Variants in STAB2 observed in about 807,000 individuals in gnomAD.
STAB2 encodes stabilin 2.
STAB2 carries 288 observed loss-of-function variants against 338.1 expected under a neutral mutation model. The observed-to-expected ratio is 0.85, with a 90% CI of 0.77 to 0.94. STAB2 has a LOEUF of 0.94. Among genes scored for constraint, STAB2 ranks in the 40% least tolerant of loss-of-function variants. STAB2 has a pLI of 0.00. For synonymous variants in STAB2, 1,202 were observed against 1,193.3 expected (o/e 1.01, Z -0.15); for missense variants, 3,141 against 3,210.1 (o/e 0.98, Z 0.52).
intron 3 of STAB2, among the ~76,000 whole-genome samples, chr12:103,612,904 G>T (rs988237294): frequency 6.6e-6 from 1 of 152,172 alleles, no homozygotes; most frequent in Non-Finnish European, 1.5e-5. Flanking sequence ...TTCCTTCTAA[G>T]AATCAGGACC....
At chr12:103,746,291 GC>G in intron 57 of STAB2, 1 of 232,946 alleles carries the variant, frequency 4.3e-6, no homozygotes, top group Non-Finnish European at 8.6e-6. Flanking sequence ...GAGCTAATCT[GC>G]CAAGTTCATT....
chr12:103,650,555 G>C lies in STAB2; in HGVS notation c.1234G>C (p.Asp412His). 1 of 1,613,152 alleles carries C rather than the reference G, an allele frequency of 6.2e-7. No individual in the cohort carries two copies. The highest frequency in any genetic ancestry group is 8.5e-7 in the Non-Finnish European group (1 of 1,179,262). ...ACCCTTCACGGTGCTGTTACCTACA[G>C]ACAAGGGACTGAAAGGATTCAATGT... ...LGPFTVLLPT[D>H]KGLKGFNVNE... Residue 412 changes from aspartate to histidine, a missense_variant, in exon 11 of 69, where the codon GAC becomes CAC. Asp to His is a moderately conservative substitution (Grantham distance 81, BLOSUM62 -1). Transcript: ENST00000388887.
At chr12:103,742,646 C>A (rs925675253) in intron 56 of STAB2, 92 bp downstream of exon 56, 10 of 1,560,748 alleles carry the variant, frequency 6.4e-6, no homozygotes, top group Admixed American at 3.5e-5. Flanking sequence ...TGGAGGCATC[C>A]TTTTGTCCTT....
At chr12:103,701,215 G>A (rs1417832173) in intron 34 of STAB2, among the ~76,000 whole-genome samples, 2 of 151,412 alleles carry the variant, frequency 1.3e-5, no homozygotes, top group East Asian at 1.9e-4. Context: ...AGTATTCCAT[G>A]GTGTATATGT....
rs1482306243 is a variant in STAB2, at chr12:103,694,326, C to T, written c.3376-1224C>T. Reference sequence around the variant, plus strand: ...CCATCAAGTTCTATCAGGCCTTCTCCTCATAGCTCTTGAATCTGCCAAATC... The same window carrying T: ...CCATCAAGTTCTATCAGGCCTTCTCTTCATAGCTCTTGAATCTGCCAAATC... On this transcript the variant is annotated intron_variant, in intron 31 of 68. Coordinates refer to ENST00000388887, the MANE Select transcript of STAB2 (RefSeq NM_017564.10). Among the ~76,000 whole-genome samples the T allele has an allele frequency of 2.0e-5, 3 of 152,154 alleles. No homozygotes were observed. The East Asian group carries it at 5.8e-4, about 29-fold the overall frequency.
rs537683968 is a variant in STAB2 at position 103,611,100 on chromosome 12, A to C, written c.332-9368A>C. On this transcript the variant is annotated intron_variant, in intron 3 of 68. Coordinates refer to ENST00000388887, the MANE Select transcript of STAB2 (RefSeq NM_017564.10). ...TTTTACATTTGCTGAGGAGTGCTTT[A>C]CTTCCAACTATGTGGTCAATTTTGG... Among the ~76,000 whole-genome samples, 1,049 of 152,324 alleles carry C rather than the reference A, an allele frequency of 6.9e-3. 20 individuals carry two copies. Among genetic ancestry groups the C allele is most frequent in the African/African-American group, 0.024 (1,001 of 41,578 alleles).
chr12:103,689,544 A>G (rs1877743486), intron 28 of STAB2, among the ~76,000 whole-genome samples: 1 of 152,216 alleles, frequency 6.6e-6, no homozygotes, highest in Admixed American at 6.5e-5. Flanking sequence ...CATACTCACA[A>G]GAACCTATTA....
At chr12:103,632,740 C>T (rs1205226747) in intron 6 of STAB2, among the ~76,000 whole-genome samples, 1 of 152,144 alleles carries the variant, frequency 6.6e-6, no homozygotes, top group East Asian at 1.9e-4. Flanking sequence ...ACCCTGGAGG[C>T]AGAAAGAGGA....
chr12:103,674,093 T>C lies in STAB2; in HGVS notation c.2552+6T>C. ...TACAGCAATGGGACAGCCAGGTAGG[T>C]CTGTGAGGGAATGGCCCTTAATGAC... On this transcript the variant is annotated splice_donor_region_variant and intron_variant, in intron 23 of 68. Transcript: ENST00000388887. The C allele has an allele frequency of 6.2e-7, 1 of 1,604,970 alleles. No individual in the cohort carries two copies. Among genetic ancestry groups the C allele is most frequent in the Non-Finnish European group, 8.5e-7 (1 of 1,172,994 alleles).
In STAB2 at chr12:103,688,220, G is replaced by A; in HGVS notation, c.3045+5G>A. Reference sequence around the variant, plus strand: ...ATATTTAACCGATGGATAAATGTGAGTACCTTTATTGGGACTTAGGATTGG... The same window carrying A: ...ATATTTAACCGATGGATAAATGTGAATACCTTTATTGGGACTTAGGATTGG... On this transcript the variant is annotated splice_donor_5th_base_variant and intron_variant, in intron 28 of 68. Coordinates refer to ENST00000388887, the MANE Select transcript of STAB2 (RefSeq NM_017564.10). 1 of 1,612,756 alleles carries A rather than the reference G, an allele frequency of 6.2e-7. No homozygotes were observed. The highest frequency in any genetic ancestry group is 8.5e-7 in the Non-Finnish European group (1 of 1,178,768).
At chr12:103,587,862 A>C (rs1054568022) in intron 1 of STAB2, among the ~76,000 whole-genome samples, 7 of 152,306 alleles carry the variant, frequency 4.6e-5, no homozygotes, top group African/African-American at 1.7e-4. Flanking sequence ...TAGTCTCATT[A>C]CTGTGAATAT....
intron 50 of STAB2, among the ~76,000 whole-genome samples, chr12:103,732,630 A>T (rs537852024): frequency 6.6e-6 from 1 of 152,156 alleles, no homozygotes; most frequent in South Asian, 2.1e-4. Context: ...ACATGGCGAA[A>T]CCCCATCTCT....
At chr12:103,636,127 A>G (rs1957541404) in intron 6 of STAB2, among the ~76,000 whole-genome samples, 1 of 151,728 alleles carries the variant, frequency 6.6e-6, no homozygotes, top group Admixed American at 6.6e-5. Context: ...TACATGTGCC[A>G]TGTTGGTGTG....
chr12:103,675,704 G>T (rs922432366), intron 23 of STAB2, among the ~76,000 whole-genome samples: 1 of 152,226 alleles, frequency 6.6e-6, no homozygotes, highest in African/African-American at 2.4e-5. Context: ...AGGGACTCGT[G>T]CAGTGTCACA....
chr12:103,651,974 T>C lies in STAB2; in HGVS notation c.1258-582T>C, dbSNP rs539188678. On this transcript the variant is annotated intron_variant, in intron 11 of 68. Transcript: ENST00000388887. ...TCCTGTTGGAAAGAACCAGCAAACA[T>C]TGTATGCCTCTAGGCTAGGCACTTT... 1.1e-3 allele frequency among the ~76,000 whole-genome samples: 171 copies of C among 152,310 alleles called. 1 individual carries two copies. The highest frequency in any genetic ancestry group is 2.0e-3 in the Non-Finnish European group (135 of 68,024).
At chr12:103,588,110 C>A (rs17034144) in intron 1 of STAB2, among the ~76,000 whole-genome samples, 7,881 of 152,212 alleles carry the variant, frequency 0.052, 686 homozygotes, top group African/African-American at 0.18. Context: ...GCAAGCTCAC[C>A]GAGGTGTCAT....
intron 39 of STAB2, 46 bp from the exon 40 acceptor site, chr12:103,711,425 G>A (rs1349329295): frequency 1.2e-6 from 2 of 1,612,610 alleles, no homozygotes; most frequent in Non-Finnish European, 8.5e-7. Context: ...ATCCTCAGGT[G>A]AGATTTAGTA....
At chr12:103,711,243 A>C (rs1296256433) in intron 39 of STAB2, 2 of 587,264 alleles carry the variant, frequency 3.4e-6, no homozygotes, top group African/African-American at 3.7e-5. Context: ...ACTGCCTAGC[A>C]CAGGGCCTGG....
At chr12:103,687,716 A>C (rs1877559286) in intron 27 of STAB2, among the ~76,000 whole-genome samples, 1 of 152,228 alleles carries the variant, frequency 6.6e-6, no homozygotes, top group East Asian at 1.9e-4. Context: ...TAACTGGCCT[A>C]GGGAACTAGG....
Sources: gnomAD v4.1 joint callset for allele counts (sites outside exome capture counted in the v4.1 genomes callset) on GRCh38, gnomAD v4.1.1 for gene constraint, MANE v1.5 for transcripts, NCBI Gene and HGNC (gene_info 2026-07-23, HGNC 2026-07-21) for gene names.